The following TPTE variants were observed in gnomAD, a reference collection of about 807,000 sequenced individuals.
TPTE encodes putative tyrosine-protein phosphatase TPTE.
TPTE carries 59 observed loss-of-function variants against 84.1 expected under a neutral mutation model. The ratio of observed to expected loss-of-function variants is 0.70; its 90% CI spans 0.57 to 0.87. The LOEUF (loss-of-function observed/expected upper bound fraction) is 0.87, where lower values mean the gene tolerates loss of function less well. Ranked by LOEUF, TPTE falls within the 40% of genes least tolerant of loss-of-function variation. The pLI is 0.00. For missense variants in TPTE, 382 were observed against 659.6 expected (o/e 0.58, Z 4.61); for synonymous variants, 130 against 223.5 (o/e 0.58, Z 3.73).
chr21:10,547,301 G>C (rs1169611461), intron 7 of TPTE, among the ~76,000 whole-genome samples: 7 of 152,300 alleles, frequency 4.6e-5, no homozygotes, highest in Admixed American at 2.0e-4. Context: ...GTGCAGCAAA[G>C]GAGTGGAGAC....
chr21:10,580,006 C>A (rs11910994), intron 17 of TPTE, among the ~76,000 whole-genome samples: 129 of 151,934 alleles, frequency 8.5e-4, no homozygotes, highest in African/African-American at 3.0e-3. Flanking sequence ...CTTTTCTCTT[C>A]ATCCTCACCA....
chr21:10,593,440 T>C (rs1329062002), intron 19 of TPTE, among the ~76,000 whole-genome samples: 51 of 152,324 alleles, frequency 3.3e-4, no homozygotes, highest in African/African-American at 1.1e-3. Context: ...TTGGTTGCTG[T>C]GTCTCCTAAG....
chr21:10,528,213 C>G (rs1447324035), intron 3 of TPTE, among the ~76,000 whole-genome samples: 1 of 144,262 alleles, frequency 6.9e-6, no homozygotes, highest in African/African-American at 2.7e-5. Flanking sequence ...AAAAAAAAAT[C>G]GTGTATACAT....
At chr21:10,530,513 C>A (rs2074159053) in intron 3 of TPTE, among the ~76,000 whole-genome samples, 1 of 152,302 alleles carries the variant, frequency 6.6e-6, no homozygotes, top group East Asian at 1.9e-4. Flanking sequence ...TTGTGCATAC[C>A]TTTCGTTGTT....
At position 10,538,740 on chromosome 21, in the gene TPTE, T is replaced by G. The variant is rs2074313038; in HGVS notation, c.11+6T>G. On this transcript the variant is annotated splice_donor_region_variant and intron_variant, in intron 4 of 23. Transcript: ENST00000618007. The stretch of plus-strand genomic sequence containing the variant: ...GAGGCACGTATGAATGAAAGGTGAG[T>G]TATGCGTACGTGTGTCTTTATTTAT... 2 of 1,614,076 alleles carry G rather than the reference T, an allele frequency of 1.2e-6. No homozygotes were observed. Among genetic ancestry groups the G allele is most frequent in the East Asian group, 4.5e-5 (2 of 44,894 alleles).
intron 3 of TPTE, among the ~76,000 whole-genome samples, chr21:10,533,569 C>T (rs1367564418): frequency 6.6e-6 from 1 of 152,308 alleles, no homozygotes; most frequent in Non-Finnish European, 1.5e-5. Flanking sequence ...AGGACAATCT[C>T]AGTCTGCTGC....
At chr21:10,525,185 C>A (rs572153016) in intron 2 of TPTE, among the ~76,000 whole-genome samples, 314 of 152,310 alleles carry the variant, frequency 2.1e-3, no homozygotes, top group Middle Eastern at 3.4e-3. Flanking sequence ...CAGTGAAGGT[C>A]ACAAATGGGT....
At chr21:10,585,923 CT>C (rs1191626544) in intron 17 of TPTE, among the ~76,000 whole-genome samples, 4 of 152,410 alleles carry the variant, frequency 2.6e-5, no homozygotes, top group Admixed American at 2.6e-4. Flanking sequence ...GAGATGTTCC[CT>C]TTTTTATTCC....
intron 2 of TPTE, among the ~76,000 whole-genome samples, chr21:10,525,055 A>C (rs2074054344): frequency 1.3e-5 from 2 of 152,308 alleles, no homozygotes; most frequent in African/African-American, 2.4e-5. Flanking sequence ...CTAATGTTGG[A>C]TGCTCTGTTC....
At chr21:10,551,771 C>T (rs947985508) in intron 7 of TPTE, among the ~76,000 whole-genome samples, 1 of 152,300 alleles carries the variant, frequency 6.6e-6, no homozygotes, top group Admixed American at 6.5e-5. Context: ...TTATTAGAGA[C>T]TATTATGAGC....
intron 19 of TPTE, among the ~76,000 whole-genome samples, chr21:10,595,229 G>T (rs373183213): frequency 1.3e-5 from 2 of 152,310 alleles, no homozygotes; most frequent in African/African-American, 4.8e-5. Flanking sequence ...TTTTAGTAGA[G>T]ACAGGGTTTC....
At chr21:10,551,837 C>T (rs28850016) in intron 7 of TPTE, among the ~76,000 whole-genome samples, 3,557 of 150,814 alleles carry the variant, frequency 0.024, no homozygotes, top group African/African-American at 0.08. Flanking sequence ...TTGACCCATA[C>T]GACCTACCAA....
At chr21:10,534,873 C>CTGT (rs1232947720) in intron 3 of TPTE, among the ~76,000 whole-genome samples, 1 of 152,302 alleles carries the variant, frequency 6.6e-6, no homozygotes, top group African/African-American at 2.4e-5. Context: ...TTTCAGAAAA[C>CTGT]TGTTGGATTG....
intron 4 of TPTE, among the ~76,000 whole-genome samples, chr21:10,540,330 G>A (rs1438973547): frequency 1.3e-5 from 2 of 152,306 alleles, no homozygotes; most frequent in African/African-American, 4.8e-5. Flanking sequence ...GAGTTCCCTT[G>A]AAACTATTTC....
intron 21 of TPTE, among the ~76,000 whole-genome samples, chr21:10,598,495 T>C (rs549640581): frequency 8.5e-5 from 13 of 152,398 alleles, no homozygotes; most frequent in African/African-American, 2.9e-4. Flanking sequence ...TGAAAACTAC[T>C]GAGGAGCTTG....
intron 7 of TPTE, among the ~76,000 whole-genome samples, chr21:10,548,561 T>C (rs1347521279): frequency 6.6e-6 from 1 of 152,288 alleles, no homozygotes; most frequent in African/African-American, 2.4e-5. Flanking sequence ...CATCCTGAGC[T>C]AGAATAGCTC....
chr21:10,538,779 A>G, intron 4 of TPTE, 45 bp downstream of exon 4: 1 of 1,614,058 alleles, frequency 6.2e-7, no homozygotes, highest in Non-Finnish European at 8.5e-7. Context: ...ATTATAACTG[A>G]GCATAGAAGT....
At chr21:10,601,425 C>G (rs1291600981) in intron 21 of TPTE, among the ~76,000 whole-genome samples, 1 of 152,298 alleles carries the variant, frequency 6.6e-6, no homozygotes, top group East Asian at 1.9e-4. Context: ...ATCAGCTGAA[C>G]CTGGGAGGCA....
At chr21:10,554,480 A>G (rs1323135896) in intron 8 of TPTE, among the ~76,000 whole-genome samples, 3 of 152,310 alleles carry the variant, frequency 2.0e-5, no homozygotes, top group Admixed American at 6.5e-5. Flanking sequence ...TTTCTCTGAT[A>G]TTAGTAAATA....
Sources: allele counts gnomAD v4.1 joint callset (sites outside exome capture counted in the v4.1 genomes callset), GRCh38; gene constraint gnomAD v4.1.1; transcripts MANE v1.5; gene names NCBI Gene and HGNC (gene_info 2026-07-23, HGNC 2026-07-21).